BMPER: variants seen among roughly 807,000 people sequenced by gnomAD.
The protein encoded by BMPER is BMP binding endothelial regulator.
In BMPER, 45 loss-of-function variants were observed where a neutral mutation model predicts 87.3. The ratio of observed to expected loss-of-function variants is 0.52; its 90% CI spans 0.41 to 0.66. The LOEUF (loss-of-function observed/expected upper bound fraction) is 0.66, where lower values mean the gene tolerates loss of function less well. Ranked by LOEUF, BMPER falls within the 30% of genes least tolerant of loss-of-function variation. BMPER has a pLI of 0.00. For synonymous variants in BMPER, 326 were observed against 316.2 expected (o/e 1.03, Z -0.33); for missense variants, 784 against 867.5 (o/e 0.90, Z 1.21).
At position 33,981,396 on chromosome 7, in the gene BMPER, T is replaced by A. The variant is rs547394009; in HGVS notation, c.576+6612T>A. On this transcript the variant is annotated intron_variant, in intron 6 of 14. Coordinates refer to ENST00000649409, the MANE Select transcript of BMPER (RefSeq NM_001365308.1). The stretch of plus-strand genomic sequence containing the variant: ...TACCTAGACAGTCTCCGCCCACTCA[T>A]CCAGCACTGCAAAGCCCAGACATTC... 5.8e-4 allele frequency among the ~76,000 whole-genome samples: 88 copies of A among 152,280 alleles called. 3 individuals are homozygous for A. The highest frequency in any genetic ancestry group is 3.4e-3 in the Middle Eastern group (1 of 294).
At chr7:34,076,753 G>T (rs2127972892) in intron 11 of BMPER, among the ~76,000 whole-genome samples, 1 of 152,224 alleles carries the variant, frequency 6.6e-6, no homozygotes, top group Non-Finnish European at 1.5e-5. Context: ...TAATGTAATT[G>T]GTGTCCCTGG....
chr7:33,969,027 T>G (rs1217736255), intron 4 of BMPER, among the ~76,000 whole-genome samples: 1 of 152,214 alleles, frequency 6.6e-6, no homozygotes, highest in Non-Finnish European at 1.5e-5. Context: ...TTTAGTTGTT[T>G]TATTCTTTCC....
intron 13 of BMPER, among the ~76,000 whole-genome samples, chr7:34,123,497 T>A (rs1790314558): frequency 6.6e-6 from 1 of 152,210 alleles, no homozygotes; most frequent in Admixed American, 6.5e-5. Context: ...GTCAGAATCT[T>A]CTAAGCTGTG....
At chr7:34,074,458 T>C (rs188948068) in intron 11 of BMPER, among the ~76,000 whole-genome samples, 1 of 152,334 alleles carries the variant, frequency 6.6e-6, no homozygotes, top group Admixed American at 6.5e-5. Context: ...CCATCACTGT[T>C]CAGGCAGGGC....
intron 2 of BMPER, among the ~76,000 whole-genome samples, chr7:33,927,253 A>T (rs1416508105): frequency 6.6e-6 from 1 of 152,152 alleles, no homozygotes; most frequent in East Asian, 1.9e-4. Flanking sequence ...CTTCTGTTTC[A>T]TTGGCTCTGT....
At chr7:33,986,943 C>T (rs964642287) in intron 6 of BMPER, among the ~76,000 whole-genome samples, 1 of 151,916 alleles carries the variant, frequency 6.6e-6, no homozygotes, top group African/African-American at 2.4e-5. Flanking sequence ...CTTCGTGGCT[C>T]CCCTCCCCTC....
chr7:33,951,785 T>C (rs1785031821), intron 3 of BMPER, among the ~76,000 whole-genome samples: 1 of 152,180 alleles, frequency 6.6e-6, no homozygotes, highest in East Asian at 1.9e-4. Context: ...GTGTATTTAG[T>C]GTAGTACTGT....
chr7:34,067,416 C>T (rs751524412), intron 11 of BMPER: 1 of 152,090 alleles, frequency 6.6e-6, no homozygotes, highest in Non-Finnish European at 1.5e-5. Context: ...AATGAAACAG[C>T]AACCTAGGGG....
intron 6 of BMPER, among the ~76,000 whole-genome samples, chr7:33,994,606 A>G (rs1786347623): frequency 6.6e-6 from 1 of 152,224 alleles, no homozygotes; most frequent in South Asian, 2.1e-4. Flanking sequence ...TGGGAGCTGT[A>G]GACCGGAGCT....
intron 13 of BMPER, among the ~76,000 whole-genome samples, chr7:34,137,914 A>C (rs1177779220): frequency 6.6e-6 from 1 of 152,114 alleles, no homozygotes; most frequent in Non-Finnish European, 1.5e-5. Flanking sequence ...CTTGATCCTA[A>C]TCTCAGTATA....
At chr7:33,916,702 G>T (rs564852674) in intron 2 of BMPER, among the ~76,000 whole-genome samples, 2 of 152,192 alleles carry the variant, frequency 1.3e-5, no homozygotes, top group East Asian at 3.9e-4. Flanking sequence ...TGAGTTGGGC[G>T]AATTCACGTC....
intron 3 of BMPER, among the ~76,000 whole-genome samples, chr7:33,949,259 A>T (rs1392614734): frequency 6.6e-6 from 1 of 152,160 alleles, no homozygotes; most frequent in East Asian, 1.9e-4. Flanking sequence ...TTGGCTGCAT[A>T]CAATATCTTA....
chr7:34,129,630 G>GAGAAAGAGAGAAAGAAAGAAAGAAAGAA (rs1790515715), intron 13 of BMPER, among the ~76,000 whole-genome samples: 73 of 56,302 alleles, frequency 1.3e-3, no homozygotes, highest in African/African-American at 4.8e-3. Flanking sequence ...GAGAGAAAGA[G>GAGAAAGAGAGAAAGAAAGAAAGAAAGAA]AGAAAGAAAG....
intron 4 of BMPER, among the ~76,000 whole-genome samples, chr7:33,968,586 T>C (rs1016500266): frequency 2.0e-5 from 3 of 152,210 alleles, no homozygotes; most frequent in African/African-American, 7.2e-5. Flanking sequence ...TACCTCACTT[T>C]AACTACCTAT....
intron 9 of BMPER, 43 bp downstream of exon 9, chr7:34,055,346 G>A (rs751625841): frequency 8.7e-6 from 14 of 1,611,906 alleles, no homozygotes; most frequent in African/African-American, 5.3e-5. Flanking sequence ...GTATTACTAC[G>A]CTGACAATTA....
At chr7:34,127,749 G>A (rs10486631) in intron 13 of BMPER, among the ~76,000 whole-genome samples, 25,218 of 151,998 alleles carry the variant, frequency 0.17, 2,335 homozygotes, top group Non-Finnish European at 0.2. Flanking sequence ...CCCTTTTTCA[G>A]GCTCTATACA....
At chr7:34,064,944 C>T (rs1476191185) in intron 11 of BMPER, among the ~76,000 whole-genome samples, 1 of 152,150 alleles carries the variant, frequency 6.6e-6, no homozygotes, top group Non-Finnish European at 1.5e-5. Flanking sequence ...TGTCCTTTAG[C>T]TGTGGCTTCG....
chr7:34,002,021 G>T (rs999174800), intron 6 of BMPER, among the ~76,000 whole-genome samples: 2 of 151,554 alleles, frequency 1.3e-5, no homozygotes, highest in African/African-American at 2.4e-5. Flanking sequence ...TGAAATTAGA[G>T]AACATATTTT....
At chr7:33,912,685 T>C (rs1484743864) in intron 2 of BMPER, among the ~76,000 whole-genome samples, 6 of 152,188 alleles carry the variant, frequency 3.9e-5, no homozygotes, top group Non-Finnish European at 1.5e-5. Flanking sequence ...TAAATGATGA[T>C]ATATTGAGTC....
Sources: gnomAD v4.1 joint callset for allele counts (sites outside exome capture counted in the v4.1 genomes callset) on GRCh38, gnomAD v4.1.1 for gene constraint, MANE v1.5 for transcripts, NCBI Gene and HGNC (gene_info 2026-07-23, HGNC 2026-07-21) for gene names.